Variants in KCNJ10 observed in about 807,000 individuals in gnomAD.
KCNJ10 encodes the protein potassium inwardly rectifying channel subfamily J member 10.
Under a neutral mutation model 22.2 loss-of-function variants are expected in KCNJ10, and 9 were observed. The observed-to-expected ratio is 0.40, with a 90% confidence interval of 0.24 to 0.71. KCNJ10 has a LOEUF of 0.71. Ranked by LOEUF, KCNJ10 falls within the 30% of genes least tolerant of loss-of-function variation. KCNJ10 has a pLI of 0.35. For synonymous variants in KCNJ10, 184 were observed against 187.3 expected (o/e 0.98, Z 0.15); for missense variants, 337 against 482.7 (o/e 0.70, Z 2.83).
chr1:160,058,554 C>T (rs1388966700), intron 1 of KCNJ10, among the ~76,000 whole-genome samples: 7 of 152,104 alleles, frequency 4.6e-5, no homozygotes, highest in Non-Finnish European at 8.8e-5. Context: ...GCCAGGTCGT[C>T]CTAGGGGAGC....
chr1:160,056,392 A>G (rs566430825), intron 1 of KCNJ10, among the ~76,000 whole-genome samples: 21 of 152,236 alleles, frequency 1.4e-4, no homozygotes, highest in African/African-American at 5.1e-4. Flanking sequence ...TGCAGCCCAT[A>G]TTCTAGCCAC....
intron 1 of KCNJ10, among the ~76,000 whole-genome samples, chr1:160,063,077 T>C (rs1299388907): frequency 2.0e-5 from 3 of 152,166 alleles, no homozygotes; most frequent in Admixed American, 6.5e-5. Context: ...TCCCAGTATA[T>C]GTCTAACTCC....
chr1:160,049,693 A>T (rs866153883), intron 1 of KCNJ10, among the ~76,000 whole-genome samples: 2 of 116,732 alleles, frequency 1.7e-5, no homozygotes, highest in Non-Finnish European at 3.5e-5. Flanking sequence ...ATATATATAT[A>T]TATATATATA....
intron 1 of KCNJ10, among the ~76,000 whole-genome samples, chr1:160,047,887 T>C (rs898062979): frequency 3.3e-5 from 5 of 152,136 alleles, no homozygotes; most frequent in African/African-American, 1.2e-4. Flanking sequence ...ACTATAGGCA[T>C]GTGCCACCAT....
At chr1:160,054,101 G>A (rs928657273) in intron 1 of KCNJ10, among the ~76,000 whole-genome samples, 4 of 152,308 alleles carry the variant, frequency 2.6e-5, no homozygotes, top group South Asian at 2.1e-4. Flanking sequence ...CTGTTTCGCC[G>A]GCTGGAGAGG....
At chr1:160,047,193 G>A (rs1238500574) in intron 1 of KCNJ10, among the ~76,000 whole-genome samples, 5 of 152,290 alleles carry the variant, frequency 3.3e-5, no homozygotes, top group Non-Finnish European at 7.4e-5. Flanking sequence ...ATAATACATG[G>A]ATTTATCAGG....
chr1:160,052,551 ACTTAT>A (rs1352671761), intron 1 of KCNJ10, among the ~76,000 whole-genome samples: 1 of 152,188 alleles, frequency 6.6e-6, no homozygotes, highest in African/African-American at 2.4e-5. Context: ...CCACACCCAC[ACTTAT>A]CTTAGACAGT....
Position 160,059,661 on chromosome 1 carries a change from T to C in KCNJ10, c.-1+10361A>G, listed in dbSNP as rs115511584. Among the ~76,000 whole-genome samples, 462 of 152,100 alleles carry C rather than the reference T, an allele frequency of 3.0e-3. 4 individuals carry two copies. The highest frequency in any genetic ancestry group is 0.011 in the African/African-American group (438 of 41,490). ...TTAGAATAAGCAGCAAATAGTGAGG[T>C]CCACGAGGAGGAGACATTCAGCAAT... On this transcript the variant is annotated intron_variant, in intron 1 of 1. Transcript: ENST00000644903.
At position 160,040,275 on chromosome 1, in the gene KCNJ10, A is replaced by AAAT. The variant is rs1157398826; in HGVS notation, c.*1115_*1117dup. The AAAT allele has an allele frequency of 2.8e-6, 1 of 354,720 alleles. No homozygotes were observed. Among genetic ancestry groups the AAAT allele is most frequent in the South Asian group, 1.5e-4 (1 of 6,656 alleles). 22.0% of individuals were successfully genotyped at this position (354,720 alleles called of 1,614,324 possible). A position where few individuals can be genotyped will look rare whatever the true frequency, so the allele number is the denominator to read the frequency against. ...TCAGAGGCTCTGTACAGCAGTTTGG[A>AAAT]AATCTGAGAATTTACCCATCCCTCA... On this transcript the variant is annotated 3_prime_UTR_variant, in exon 2 of 2. Transcript: ENST00000644903.
At chr1:160,068,540 C>T (rs903497892) in intron 1 of KCNJ10, among the ~76,000 whole-genome samples, 32 of 152,080 alleles carry the variant, frequency 2.1e-4, no homozygotes, top group African/African-American at 7.0e-4. Context: ...CTGCCTGGGC[C>T]GTGCCTATTG....
Position 160,042,119 on chromosome 1 carries a change from C to T in KCNJ10, c.414G>A (p.Glu138=). 1 of 1,562,244 alleles carries T rather than the reference C, an allele frequency of 6.4e-7. No individual in the cohort carries two copies. The highest frequency in any genetic ancestry group is 8.7e-7 in the Non-Finnish European group (1 of 1,153,956). ...GAAGCACAATGGCCAGTGGACATTC[C>T]TCACTGATGTAGCGGAAGCCATAGC... ...TIGYGFRYIS[E]ECPLAIVLLI... The change falls in exon 2 of 2, where the codon GAG becomes GAA. Residue 138 remains glutamate, a synonymous_variant. Transcript: ENST00000644903.
chr1:160,050,759 A>C (rs1648882665), intron 1 of KCNJ10, among the ~76,000 whole-genome samples: 1 of 152,120 alleles, frequency 6.6e-6, no homozygotes, highest in South Asian at 2.1e-4. Flanking sequence ...AGATCTTAAT[A>C]GGACACACTG....
chr1:160,041,471 C>A lies in KCNJ10; in HGVS notation c.1062G>T (p.Lys354Asn). ...DSTVRYGDPEKLKLEESLREQ... is the reference protein window; with the variant it reads ...DSTVRYGDPENLKLEESLREQ... ...CCCTTAATGACTCCTCCAACTTGAG[C>A]TTTTCAGGGTCTCCGTAGCGTACAG... is the stretch of plus-strand genomic sequence containing the variant. The change falls in exon 2 of 2, where the codon AAG (lysine) becomes AAT (asparagine). Residue 354 changes from lysine (K) to asparagine (N), a missense_variant. By Grantham distance (94) the Lys-to-Asn change is moderately conservative. Transcript: ENST00000644903. The surrounding 1 kb of genome is among the most constrained non-coding windows in gnomAD (Gnocchi z 4.4). 2 of 1,614,136 alleles carry A rather than the reference C, an allele frequency of 1.2e-6. No individual in the cohort carries two copies. Among genetic ancestry groups the A allele is most frequent in the Non-Finnish European group, 1.7e-6 (2 of 1,180,014 alleles).
intron 1 of KCNJ10, among the ~76,000 whole-genome samples, chr1:160,049,918 G>A (rs1043963604): frequency 3.3e-5 from 5 of 151,168 alleles, no homozygotes; most frequent in African/African-American, 9.7e-5. Context: ...CTCTGGTCCA[G>A]CACTTCTCAC....
At chr1:160,059,334 G>T (rs965306520) in intron 1 of KCNJ10, among the ~76,000 whole-genome samples, 1 of 152,136 alleles carries the variant, frequency 6.6e-6, no homozygotes, top group African/African-American at 2.4e-5. Flanking sequence ...CTAGAAGAGG[G>T]GGGTAACTTT....
chr1:160,061,012 T>G (rs1345814901), intron 1 of KCNJ10, among the ~76,000 whole-genome samples: 1 of 152,016 alleles, frequency 6.6e-6, no homozygotes, highest in Non-Finnish European at 1.5e-5. Context: ...AGTGCAAGGG[T>G]CAAAGTGACC....
intron 1 of KCNJ10, among the ~76,000 whole-genome samples, chr1:160,064,236 C>G (rs1420210457): frequency 6.6e-6 from 1 of 152,226 alleles, no homozygotes; most frequent in Admixed American, 6.5e-5. Context: ...CTTTCGGAGG[C>G]TCTACAAAGT....
Position 160,039,521 on chromosome 1 carries a change from C to G in KCNJ10, c.*1872G>C, listed in dbSNP as rs908525660. On this transcript the variant is annotated 3_prime_UTR_variant, in exon 2 of 2. Coordinates refer to ENST00000644903, the MANE Select transcript of KCNJ10 (RefSeq NM_002241.5). Reference sequence around the variant, plus strand: ...AAGCTGGCTCTTGGCCTTCTGTTCTCTGTTTCAGATTTTTCAAGTTTTTGT... The same window carrying G: ...AAGCTGGCTCTTGGCCTTCTGTTCTGTGTTTCAGATTTTTCAAGTTTTTGT... The G allele has an allele frequency of 4.6e-5, 7 of 152,152 alleles. No homozygotes were observed. The highest frequency in any genetic ancestry group is 2.6e-4 in the Admixed American group (4 of 15,274). 9.4% of individuals were successfully genotyped at this position (152,152 alleles called of 1,614,324 possible). A position where few individuals can be genotyped will look rare whatever the true frequency, so the allele number is the denominator to read the frequency against.
chr1:160,065,509 C>T (rs1482335006), intron 1 of KCNJ10, among the ~76,000 whole-genome samples: 1 of 152,140 alleles, frequency 6.6e-6, no homozygotes, highest in Non-Finnish European at 1.5e-5. Flanking sequence ...AACCCTGGGC[C>T]AAGTTGCAGA....
Sources: allele counts gnomAD v4.1 joint callset (sites outside exome capture counted in the v4.1 genomes callset), GRCh38; gene constraint gnomAD v4.1.1; non-coding constraint Gnocchi (gnomAD v3.1); transcripts MANE v1.5; gene names NCBI Gene and HGNC (gene_info 2026-07-23, HGNC 2026-07-21).